The following INTS9 variants were observed in gnomAD, a reference collection of about 807,000 sequenced individuals.
INTS9 encodes the protein integrator complex subunit 9.
INTS9 carries 55 observed loss-of-function variants against 79.7 expected under a neutral mutation model. The ratio of observed to expected loss-of-function variants is 0.69; its 90% confidence interval spans 0.56 to 0.86. The LOEUF (loss-of-function observed/expected upper bound fraction) is 0.86. INTS9 is among the 40% of genes least tolerant of loss of function. The pLI is 0.00. For synonymous variants in INTS9, 319 were observed against 325.2 expected (o/e 0.98, Z 0.20); for missense variants, 721 against 831.5 (o/e 0.87, Z 1.64).
In INTS9 at chr8:28,812,458, G is replaced by A. The variant is rs1372262258; in HGVS notation, c.613C>T (p.Leu205Phe). The A allele has an allele frequency of 5.6e-6, 9 of 1,613,140 alleles. No homozygotes were observed. Among genetic ancestry groups the A allele is most frequent in the African/African-American group, 1.3e-5 (1 of 75,002 alleles). Residue 205 changes from leucine to phenylalanine, a missense_variant, in exon 8 of 17, where the codon CTT becomes TTT. Coordinates refer to ENST00000521022, the MANE Select transcript of INTS9 (RefSeq NM_018250.4). The part of the protein sequence containing the change: ...QLVGYSQKIE[L>F]FGAVQVTPLS... ...GGAGTCACCTGGACCGCACCAAAAA[G>A]CTCCTAAAAGAGAACCACAGTAAGA...
intron 14 of INTS9, among the ~76,000 whole-genome samples, chr8:28,771,873 T>G (rs1305487975): frequency 6.6e-6 from 1 of 152,196 alleles, no homozygotes; most frequent in Non-Finnish European, 1.5e-5. Context: ...GAGTCTTTTT[T>G]TTTTTGAGAT....
At chr8:28,889,196 C>T (rs1475563359) in intron 1 of INTS9, among the ~76,000 whole-genome samples, 1 of 152,150 alleles carries the variant, frequency 6.6e-6, no homozygotes, top group African/African-American at 2.4e-5. Context: ...GTCTGAGGAG[C>T]CTCCATGAAC....
In INTS9 at chr8:28,812,387, C is replaced by G; in HGVS notation, c.684G>C (p.Gln228His). The change falls in exon 8 of 17, where the codon CAG (glutamine) becomes CAC (histidine). Residue 228 changes from glutamine (Q) to histidine (H), a missense_variant. This residue lies in a region of INTS9 where 291 missense variants were observed against 307.0 expected (regional missense o/e 0.95). Transcript: ENST00000521022. ...YALGSSNWII[Q>H]SHYEKVSYVS... ...CATAAGACACTTTCTCGTAATGAGA[C>G]TGGATGATCCAGTTGGAGCTCCCAA... The G allele has an allele frequency of 4.3e-6, 7 of 1,614,066 alleles. No homozygotes were observed. Among genetic ancestry groups the G allele is most frequent in the Non-Finnish European group, 5.9e-6 (7 of 1,179,930 alleles).
chr8:28,814,589 C>A (rs957549648), intron 6 of INTS9, among the ~76,000 whole-genome samples: 1 of 152,136 alleles, frequency 6.6e-6, no homozygotes, highest in African/African-American at 2.4e-5. Context: ...TCCAGATCTC[C>A]TCATTCCTTC....
intron 11 of INTS9, among the ~76,000 whole-genome samples, chr8:28,782,710 G>A (rs1284564212): frequency 6.6e-6 from 1 of 152,196 alleles, no homozygotes; most frequent in Non-Finnish European, 1.5e-5. Context: ...GAGCCCAGAA[G>A]TTTGAGACCA....
At chr8:28,881,202 G>A (rs1165150641) in intron 1 of INTS9, among the ~76,000 whole-genome samples, 5 of 147,120 alleles carry the variant, frequency 3.4e-5, no homozygotes, top group African/African-American at 5.0e-5. Context: ...CCCCTACTGG[G>A]AAGTGAGGAG....
intron 8 of INTS9, among the ~76,000 whole-genome samples, chr8:28,810,781 CA>C: frequency 6.6e-6 from 1 of 152,088 alleles, no homozygotes; most frequent in Non-Finnish European, 1.5e-5. Context: ...TTACAAATAC[CA>C]AAAAGGAGTA....
intron 4 of INTS9, 95 bp downstream of exon 4, chr8:28,846,652 C>G: frequency 2.2e-6 from 2 of 907,076 alleles, no homozygotes; most frequent in East Asian, 2.4e-5. Flanking sequence ...AACTTGAAAA[C>G]AGGAAGCTAA....
intron 4 of INTS9, among the ~76,000 whole-genome samples, chr8:28,844,940 T>C (rs1480361340): frequency 6.6e-6 from 1 of 152,264 alleles, no homozygotes; most frequent in Admixed American, 6.5e-5. Context: ...TTAAGTTTTT[T>C]GCTATTTCTA....
intron 9 of INTS9, among the ~76,000 whole-genome samples, chr8:28,795,177 T>C (rs917786317): frequency 6.6e-6 from 1 of 152,170 alleles, no homozygotes; most frequent in African/African-American, 2.4e-5. Flanking sequence ...CTGAGCTCAT[T>C]AATACCTCTT....
chr8:28,824,514 C>T (rs180706769), intron 6 of INTS9, among the ~76,000 whole-genome samples: 3 of 152,184 alleles, frequency 2.0e-5, no homozygotes, highest in Admixed American at 2.0e-4. Context: ...TGCTTAAAAC[C>T]TAAACACACT....
chr8:28,858,023 C>G (rs1046617780), intron 2 of INTS9, among the ~76,000 whole-genome samples: 3 of 152,070 alleles, frequency 2.0e-5, no homozygotes, highest in Non-Finnish European at 4.4e-5. Flanking sequence ...AATTCCAGTG[C>G]TGAGCCAGGA....
At chr8:28,821,704 C>A (rs1188800577) in intron 6 of INTS9, among the ~76,000 whole-genome samples, 1 of 150,600 alleles carries the variant, frequency 6.6e-6, no homozygotes, top group Non-Finnish European at 1.5e-5. Context: ...AGAGTGGTTG[C>A]TTTATAATAA....
intron 6 of INTS9, among the ~76,000 whole-genome samples, chr8:28,815,864 G>A (rs1177943424): frequency 2.0e-5 from 3 of 151,952 alleles, no homozygotes; most frequent in Non-Finnish European, 4.4e-5. Flanking sequence ...GAAGAGACAC[G>A]AAACTACACA....
Position 28,775,938 on chromosome 8 carries a change from A to C in INTS9, c.1396-12T>G. ...ACCACGTGCAGGGGCTGAGGAACCA[A>C]TGGGACAGTTGAGAAAGGTGGTGTG... On this transcript the variant is annotated splice_polypyrimidine_tract_variant and intron_variant, in intron 13 of 16. Coordinates refer to ENST00000521022, the MANE Select transcript of INTS9 (RefSeq NM_018250.4). 6.5e-7 allele frequency: 1 copy of C among 1,537,424 alleles called. No individual in the cohort carries two copies. Among genetic ancestry groups the C allele is most frequent in the Non-Finnish European group, 8.8e-7 (1 of 1,141,590 alleles).
intron 5 of INTS9, 98 bp from the exon 6 acceptor site, chr8:28,835,476 C>T (rs1806758048): frequency 8.6e-6 from 5 of 580,764 alleles, no homozygotes; most frequent in Non-Finnish European, 1.5e-5. Flanking sequence ...TGCCCACCTC[C>T]CCCTACACCA....
At chr8:28,886,869 G>T (rs976600658) in intron 1 of INTS9, among the ~76,000 whole-genome samples, 1 of 152,128 alleles carries the variant, frequency 6.6e-6, no homozygotes, top group Admixed American at 6.5e-5. Flanking sequence ...CACATTGCCT[G>T]GCACACAATA....
chr8:28,854,505 G>T (rs1005617434), intron 2 of INTS9, among the ~76,000 whole-genome samples: 7 of 152,146 alleles, frequency 4.6e-5, no homozygotes, highest in Non-Finnish European at 8.8e-5. Context: ...CTTTCAAGAA[G>T]AAGGAAACAG....
At chr8:28,780,227 T>TAAAAAA in intron 12 of INTS9, 1 of 39,842 alleles carries the variant, frequency 2.5e-5, no homozygotes, top group Non-Finnish European at 3.7e-5. Context: ...ACTGATGAGC[T>TAAAAAA]AAAAAAAAAA....
Sources: gnomAD v4.1 joint callset for allele counts (sites outside exome capture counted in the v4.1 genomes callset) on GRCh38, gnomAD v4.1.1 for gene constraint, gnomAD v4.1.1 regional missense constraint, MANE v1.5 for transcripts, NCBI Gene and HGNC (gene_info 2026-07-23, HGNC 2026-07-21) for gene names.